Variants in FHIT observed in about 807,000 individuals in gnomAD.
FHIT encodes the protein bis(5'-adenosyl)-triphosphatase.
FHIT carries 19 observed loss-of-function variants against 17.9 expected under a neutral mutation model. The observed-to-expected ratio is 1.06, with a 90% CI of 0.74 to 1.56. The LOEUF (loss-of-function observed/expected upper bound fraction) is 1.56. Ranked by LOEUF, FHIT falls within the 40% of genes most tolerant of loss-of-function variation. FHIT has a pLI of 0.00. For synonymous variants in FHIT, 81 were observed against 69.7 expected (o/e 1.16, Z -0.81); for missense variants, 248 against 189.2 (o/e 1.31, Z -1.82).
chr3:60,508,876 T>A (rs545453584), intron 5 of FHIT, among the ~76,000 whole-genome samples: 21 of 152,208 alleles, frequency 1.4e-4, no homozygotes, highest in African/African-American at 4.8e-4. Flanking sequence ...CAAATTCCTA[T>A]ATATTTGGTT....
At chr3:60,690,062 C>A (rs1163869316) in intron 4 of FHIT, among the ~76,000 whole-genome samples, 1 of 152,082 alleles carries the variant, frequency 6.6e-6, no homozygotes, top group Non-Finnish European at 1.5e-5. Flanking sequence ...ACTCTGCAAT[C>A]CAGCTAGGCA....
At position 60,835,571 on chromosome 3, in the gene FHIT, A is replaced by G. The variant is rs77399264; in HGVS notation, c.-110-13560T>C. ...AATTGATAATTTAAATGTCTATCTC[A>G]TATCCTGCCACCTTAATGAACTCAA... On this transcript the variant is annotated intron_variant, in intron 3 of 9. Transcript: ENST00000492590. Among the ~76,000 whole-genome samples, 253 of 152,286 alleles carry G rather than the reference A, an allele frequency of 1.7e-3. 1 individual carries two copies. Among genetic ancestry groups the G allele is most frequent in the African/African-American group, 5.8e-3 (241 of 41,564 alleles).
intron 5 of FHIT, among the ~76,000 whole-genome samples, chr3:60,373,499 A>T (rs923012495): frequency 1.3e-5 from 2 of 152,212 alleles, no homozygotes; most frequent in Non-Finnish European, 2.9e-5. Flanking sequence ...CTCAGAGGCC[A>T]TCTTAGGACA....
At chr3:60,633,752 A>C (rs2039507156) in intron 4 of FHIT, among the ~76,000 whole-genome samples, 1 of 152,172 alleles carries the variant, frequency 6.6e-6, no homozygotes, top group South Asian at 2.1e-4. Context: ...AGGCAGCTTA[A>C]TTTGGGCAAG....
chr3:60,597,428 GA>G (rs2038305420), intron 4 of FHIT, among the ~76,000 whole-genome samples: 1 of 152,102 alleles, frequency 6.6e-6, no homozygotes. Flanking sequence ...CTTGCACCTA[GA>G]AAGCAGCAGA....
chr3:60,872,371 ATACG>A (rs1704450912), intron 3 of FHIT, among the ~76,000 whole-genome samples: 1 of 152,168 alleles, frequency 6.6e-6, no homozygotes, highest in South Asian at 2.1e-4. Context: ...GTTCCAATAA[ATACG>A]TACTTTCTGT....
At chr3:60,693,842 C>T (rs2041050166) in intron 4 of FHIT, among the ~76,000 whole-genome samples, 2 of 152,186 alleles carry the variant, frequency 1.3e-5, no homozygotes, top group African/African-American at 4.8e-5. Context: ...TAATTTTATG[C>T]TTGCACATTG....
At chr3:60,781,491 A>G (rs1263589130) in intron 4 of FHIT, among the ~76,000 whole-genome samples, 1 of 150,024 alleles carries the variant, frequency 6.7e-6, no homozygotes, top group Non-Finnish European at 1.5e-5. Context: ...TTTAAAAAAA[A>G]TAGAAAAGGG....
chr3:60,309,295 G>C (rs892962164), intron 5 of FHIT, among the ~76,000 whole-genome samples: 27 of 151,890 alleles, frequency 1.8e-4, no homozygotes, highest in Non-Finnish European at 3.5e-4. Flanking sequence ...TACAAGGGTG[G>C]GTGGGGATGG....
chr3:60,744,268 C>CAAAAAAAAA (rs374691493), intron 4 of FHIT, among the ~76,000 whole-genome samples: 7 of 80,100 alleles, frequency 8.7e-5, no homozygotes, highest in Non-Finnish European at 1.5e-4. Flanking sequence ...CAAAACAAAA[C>CAAAAAAAAA]AAAAAAAAAA....
chr3:60,593,980 A>G (rs1489001567), intron 4 of FHIT, among the ~76,000 whole-genome samples: 7 of 152,090 alleles, frequency 4.6e-5, no homozygotes, highest in Non-Finnish European at 8.8e-5. Context: ...TGCTCTATCG[A>G]CTTCTCATGG....
chr3:60,424,003 A>C (rs974373459), intron 5 of FHIT, among the ~76,000 whole-genome samples: 6 of 152,194 alleles, frequency 3.9e-5, no homozygotes, highest in Non-Finnish European at 7.3e-5. Flanking sequence ...TTATAATTGT[A>C]CTACAGTAAC....
rs1298757858 is a variant in FHIT, at chr3:59,924,133, C to G, written c.280-1719G>C. 2.6e-5 allele frequency among the ~76,000 whole-genome samples: 4 copies of G among 152,160 alleles called. No homozygotes were observed. The East Asian group carries it at 5.8e-4, about 22-fold the overall frequency. ...CAGGCAGGTGGGCCTGGGCTGAAAT[C>G]TACTGAAATCTCCAGATGGGCTGAC... On this transcript the variant is annotated intron_variant, in intron 7 of 9. Transcript: ENST00000492590.
intron 3 of FHIT, among the ~76,000 whole-genome samples, chr3:60,860,603 T>A (rs1261421997): frequency 1.1e-5 from 1 of 88,720 alleles, no homozygotes; most frequent in African/African-American, 4.0e-5. Context: ...ATCAGGTATA[T>A]ATGATACATA....
In FHIT at chr3:60,960,546, A is replaced by G. The variant is rs537147285; in HGVS notation, c.-111+81501T>C. On this transcript the variant is annotated intron_variant, in intron 3 of 9. Transcript: ENST00000492590. ...CATTAACTCATCATTTACATTAGGTATATTTCCTAATGCTATCCGTCCCTC... is the reference window on the plus strand; with the variant it reads ...CATTAACTCATCATTTACATTAGGTGTATTTCCTAATGCTATCCGTCCCTC... Among the ~76,000 whole-genome samples, 12 of 152,258 alleles carry G rather than the reference A, an allele frequency of 7.9e-5. No individual in the cohort carries two copies. The South Asian group carries it at 2.5e-3, about 32-fold the overall frequency.
At chr3:60,070,362 C>G (rs1163608550) in intron 5 of FHIT, among the ~76,000 whole-genome samples, 4 of 152,222 alleles carry the variant, frequency 2.6e-5, no homozygotes, top group Admixed American at 2.6e-4. Flanking sequence ...CAATAAGGAG[C>G]TGCTCCTTTA....
chr3:60,511,598 G>T (rs1015412621), intron 5 of FHIT, among the ~76,000 whole-genome samples: 2 of 152,064 alleles, frequency 1.3e-5, no homozygotes, highest in Non-Finnish European at 2.9e-5. Context: ...TTTTAATGGA[G>T]GTATCAGCAT....
intron 5 of FHIT, among the ~76,000 whole-genome samples, chr3:60,419,723 T>A (rs1355295929): frequency 6.6e-6 from 1 of 152,180 alleles, no homozygotes; most frequent in Non-Finnish European, 1.5e-5. Flanking sequence ...GATCTATAAG[T>A]TGCTGTCACT....
intron 5 of FHIT, among the ~76,000 whole-genome samples, chr3:60,432,505 C>CTA (rs1311811774): frequency 6.6e-6 from 1 of 152,038 alleles, no homozygotes; most frequent in East Asian, 1.9e-4. Flanking sequence ...AAATATATCA[C>CTA]TATATAGCAT....
Sources: gnomAD v4.1 joint callset for allele counts (sites outside exome capture counted in the v4.1 genomes callset) on GRCh38, gnomAD v4.1.1 for gene constraint, MANE v1.5 for transcripts, NCBI Gene and HGNC (gene_info 2026-07-23, HGNC 2026-07-21) for gene names.